CSMD1: variants seen among roughly 807,000 people sequenced by gnomAD.
CSMD1 encodes the protein CUB and sushi domain-containing protein 1.
Under a neutral mutation model 417.5 loss-of-function variants are expected in CSMD1, and 213 were observed. That is an observed-to-expected ratio of 0.51 (90% CI 0.46 to 0.57). CSMD1 has a LOEUF of 0.57. Among genes scored for constraint, CSMD1 ranks in the 20% least tolerant of loss-of-function variants. The pLI, the probability that CSMD1 is intolerant of heterozygous loss-of-function variation, is 0.00. For synonymous variants in CSMD1, 2,862 were observed against 1,736.8 expected (o/e 1.65, Z -16.11); for missense variants, 6,923 against 4,529.7 (o/e 1.53, Z -15.17).
At chr8:4,318,815 G>C (rs1017303125) in intron 3 of CSMD1, among the ~76,000 whole-genome samples, 3 of 151,578 alleles carry the variant, frequency 2.0e-5, no homozygotes, top group Non-Finnish European at 4.4e-5. Flanking sequence ...TAAACTATTT[G>C]AAAGCTAACA....
In CSMD1 at chr8:4,335,678, T is replaced by C. The variant is rs76968912; in HGVS notation, c.415+84275A>G. On this transcript the variant is annotated intron_variant, in intron 3 of 69. Coordinates refer to ENST00000635120, the MANE Select transcript of CSMD1 (RefSeq NM_033225.6). ...GTTGCTGGGAGCATGAAGTATATTGTGCAAAATTGTTACAGAATATAGTGT... is the reference window on the plus strand; with the variant it reads ...GTTGCTGGGAGCATGAAGTATATTGCGCAAAATTGTTACAGAATATAGTGT... Among the ~76,000 whole-genome samples the C allele has an allele frequency of 1.6e-3, 244 of 152,232 alleles. 4 individuals carry two copies. In the East Asian group the frequency reaches 0.044, roughly 27 times the overall value.
At chr8:4,895,399 C>G (rs2117018966) in intron 1 of CSMD1, among the ~76,000 whole-genome samples, 1 of 152,276 alleles carries the variant, frequency 6.6e-6, no homozygotes, top group East Asian at 1.9e-4. Context: ...ACACATCCCT[C>G]TTTTTCCCAT....
At chr8:3,905,599 T>A (rs1808057583) in intron 5 of CSMD1, among the ~76,000 whole-genome samples, 1 of 152,110 alleles carries the variant, frequency 6.6e-6, no homozygotes, top group Admixed American at 6.5e-5. Flanking sequence ...ACACCCAGAG[T>A]TTCCACTTCA....
At chr8:4,299,917 C>T (rs1418513924) in intron 3 of CSMD1, among the ~76,000 whole-genome samples, 2 of 152,190 alleles carry the variant, frequency 1.3e-5, no homozygotes, top group Admixed American at 1.3e-4. Context: ...GTATAAGCCA[C>T]TGCGCCCGGC....
intron 18 of CSMD1, among the ~76,000 whole-genome samples, chr8:3,377,877 T>C (rs1436387908): frequency 6.6e-6 from 1 of 152,204 alleles, no homozygotes; most frequent in Non-Finnish European, 1.5e-5. Context: ...ATATTCAATA[T>C]AAGTTGTAAA....
At chr8:4,671,364 A>G (rs1484367873) in intron 1 of CSMD1, among the ~76,000 whole-genome samples, 1 of 152,246 alleles carries the variant, frequency 6.6e-6, no homozygotes, top group Non-Finnish European at 1.5e-5. Flanking sequence ...TACTTAAAAA[A>G]AATTACAGAC....
chr8:4,380,741 G>T (rs1803050540), intron 3 of CSMD1, among the ~76,000 whole-genome samples: 1 of 152,128 alleles, frequency 6.6e-6, no homozygotes, highest in Admixed American at 6.6e-5. Flanking sequence ...ACTTCATACT[G>T]TCCTCACGAC....
intron 3 of CSMD1, among the ~76,000 whole-genome samples, chr8:4,291,107 C>G (rs914602966): frequency 5.9e-5 from 9 of 152,072 alleles, no homozygotes; most frequent in Non-Finnish European, 1.2e-4. Flanking sequence ...AACACAACTT[C>G]TAAATGTTTC....
At chr8:3,912,603 G>A (rs1289085433) in intron 5 of CSMD1, among the ~76,000 whole-genome samples, 2 of 152,190 alleles carry the variant, frequency 1.3e-5, no homozygotes, top group Admixed American at 6.5e-5. Context: ...AAAAGAGAGA[G>A]AAGGAGCTAA....
At chr8:4,916,917 C>T (rs977661547) in intron 1 of CSMD1, among the ~76,000 whole-genome samples, 2 of 152,336 alleles carry the variant, frequency 1.3e-5, no homozygotes, top group Middle Eastern at 3.4e-3. Context: ...TGGATACCAA[C>T]ATTCATGTCA....
intron 3 of CSMD1, among the ~76,000 whole-genome samples, chr8:4,239,367 T>C (rs1685473859): frequency 6.6e-6 from 1 of 152,186 alleles, no homozygotes; most frequent in African/African-American, 2.4e-5. Context: ...CCAATGAAGC[T>C]GTTTTCTCAT....
At chr8:4,964,724 T>A (rs4242496) in intron 1 of CSMD1, among the ~76,000 whole-genome samples, 62,520 of 151,830 alleles carry the variant, frequency 0.41, 13,263 homozygotes, top group Non-Finnish European at 0.44. Context: ...TAAGCCAAAC[T>A]GAAAAAAAAT....
At chr8:4,507,038 C>G (rs1161528953) in intron 2 of CSMD1, among the ~76,000 whole-genome samples, 1 of 151,972 alleles carries the variant, frequency 6.6e-6, no homozygotes, top group East Asian at 1.9e-4. Context: ...AATTCCTTGC[C>G]TTTTCAAAAG....
In CSMD1 at chr8:2,954,241, G is replaced by C; in HGVS notation, c.10022C>G (p.Thr3341Arg). ...KSKGVREVNE[T>R]VTKTPVPSDV... ...ATACAAACCTGGAGTTTTAGTAACT[G>C]TTTCATTAACTTCTCTCACTCCTTT... Residue 3341 changes from threonine (T) to arginine (R), a missense_variant, in exon 65 of 70, where the codon ACA (threonine) becomes AGA (arginine). Physicochemically the swap from Thr to Arg is moderately conservative, Grantham distance 71 (BLOSUM62 -1). Coordinates refer to ENST00000635120, the MANE Select transcript of CSMD1 (RefSeq NM_033225.6). 1 of 1,500,348 alleles carries C rather than the reference G, an allele frequency of 6.7e-7. No individual in the cohort carries two copies. Among genetic ancestry groups the C allele is most frequent in the Admixed American group, 2.1e-5 (1 of 48,356 alleles). 92.9% of individuals were successfully genotyped at this position (1,500,348 alleles called of 1,614,324 possible).
At chr8:3,914,631 T>C (rs547686367) in intron 5 of CSMD1, among the ~76,000 whole-genome samples, 1 of 152,118 alleles carries the variant, frequency 6.6e-6, no homozygotes, top group African/African-American at 2.4e-5. Context: ...AAACTCTTTC[T>C]GTCTCTCAGA....
intron 2 of CSMD1, among the ~76,000 whole-genome samples, chr8:4,441,448 A>C (rs1798477298): frequency 6.6e-6 from 1 of 151,928 alleles, no homozygotes; most frequent in Non-Finnish European, 1.5e-5. Flanking sequence ...TCTTAAAATG[A>C]AATCAGTGTT....
intron 56 of CSMD1, among the ~76,000 whole-genome samples, chr8:2,974,189 C>T (rs1053768169): frequency 3.4e-4 from 52 of 152,164 alleles, no homozygotes; most frequent in African/African-American, 1.2e-3. Context: ...CCATGGCCGG[C>T]AAGCGTCCTC....
At chr8:3,808,492 C>T (rs193273267) in intron 5 of CSMD1, among the ~76,000 whole-genome samples, 1 of 152,236 alleles carries the variant, frequency 6.6e-6, no homozygotes, top group African/African-American at 2.4e-5. Flanking sequence ...TGTTTTCTGC[C>T]TTATGAAGAA....
chr8:4,184,938 G>C (rs935121168), intron 3 of CSMD1, among the ~76,000 whole-genome samples: 10 of 151,250 alleles, frequency 6.6e-5, no homozygotes, highest in African/African-American at 2.2e-4. Context: ...AGGAGTTCAA[G>C]ACCAGCCTCC....
Sources: gnomAD v4.1 joint callset for allele counts (sites outside exome capture counted in the v4.1 genomes callset) on GRCh38, gnomAD v4.1.1 for gene constraint, MANE v1.5 for transcripts, NCBI Gene and HGNC (gene_info 2026-07-23, HGNC 2026-07-21) for gene names.